Variants in CDK5RAP2 observed in about 807,000 individuals in gnomAD.
The protein encoded by CDK5RAP2 is CDK5 regulatory subunit-associated protein 2.
Under a neutral mutation model 232.9 loss-of-function variants are expected in CDK5RAP2, and 147 were observed. The observed-to-expected ratio is 0.63, with a 90% confidence interval of 0.55 to 0.72. The LOEUF is 0.72. Ranked by LOEUF, CDK5RAP2 falls within the 30% of genes least tolerant of loss-of-function variation. CDK5RAP2 has a pLI of 0.00. For synonymous variants in CDK5RAP2, 833 were observed against 833.7 expected (o/e 1.00, Z 0.01); for missense variants, 2,195 against 2,231.5 (o/e 0.98, Z 0.33).
At chr9:120,398,758 C>T (rs146213682) in intron 35 of CDK5RAP2, among the ~76,000 whole-genome samples, 7 of 152,270 alleles carry the variant, frequency 4.6e-5, no homozygotes, top group East Asian at 3.9e-4. Flanking sequence ...TATGTGTGTA[C>T]ATTTGTACCC....
At chr9:120,570,287 C>T (rs191543166) in intron 2 of CDK5RAP2, among the ~76,000 whole-genome samples, 79 of 152,246 alleles carry the variant, frequency 5.2e-4, no homozygotes, top group Non-Finnish European at 7.6e-4. Context: ...TTTTCCTTAC[C>T]TACATCTGAC....
Position 120,527,979 on chromosome 9 carries a change from AC to A in CDK5RAP2, c.880-55del, listed in dbSNP as rs548264371. 2.2e-4 allele frequency: 350 copies of A among 1,605,804 alleles called. 2 individuals carry two copies. The African/African-American group carries it at 4.2e-3, about 19-fold the overall frequency. ...AGTTGATGCGTTCCAACCAAAATGC[AC>A]CATAAATATATCTTTAAGAGCACAC... On this transcript the variant is annotated intron_variant, in intron 9 of 37. Transcript: ENST00000349780.
chr9:120,428,066 A>C (rs2035034041), intron 25 of CDK5RAP2, among the ~76,000 whole-genome samples: 1 of 152,240 alleles, frequency 6.6e-6, no homozygotes, highest in Non-Finnish European at 1.5e-5. Flanking sequence ...AACGAGAACA[A>C]AGACACAACA....
intron 34 of CDK5RAP2, among the ~76,000 whole-genome samples, chr9:120,402,375 T>G (rs1012734468): frequency 2.6e-5 from 4 of 152,034 alleles, no homozygotes; most frequent in Non-Finnish European, 4.4e-5. Flanking sequence ...TGAACAGAGA[T>G]AGAATTGTTT....
intron 1 of CDK5RAP2, among the ~76,000 whole-genome samples, chr9:120,574,219 C>A (rs2042951822): frequency 1.3e-5 from 2 of 152,322 alleles, no homozygotes; most frequent in Middle Eastern, 3.4e-3. Context: ...CAAATTTCCA[C>A]TCGGGCTTTA....
chr9:120,478,504 G>A (rs961409394), intron 14 of CDK5RAP2, among the ~76,000 whole-genome samples: 4 of 152,174 alleles, frequency 2.6e-5, no homozygotes, highest in African/African-American at 9.7e-5. Flanking sequence ...AGGCACAGCG[G>A]CTCACACCTA....
At chr9:120,446,606 T>TA (rs906723364) in intron 22 of CDK5RAP2, among the ~76,000 whole-genome samples, 3 of 152,140 alleles carry the variant, frequency 2.0e-5, no homozygotes, top group Non-Finnish European at 2.9e-5. Flanking sequence ...TCTTACCAAG[T>TA]AAAAGAGTCC....
At chr9:120,542,998 C>A (rs1272666773) in intron 5 of CDK5RAP2, among the ~76,000 whole-genome samples, 1 of 152,082 alleles carries the variant, frequency 6.6e-6, no homozygotes, top group Non-Finnish European at 1.5e-5. Flanking sequence ...GTTAGAGCAG[C>A]AAAAGCAAGA....
At position 120,470,239 on chromosome 9, in the gene CDK5RAP2, A is replaced by G; in HGVS notation, c.1859-19T>C. 7.9e-7 allele frequency: 1 copy of G among 1,270,276 alleles called. No individual in the cohort carries two copies. Among genetic ancestry groups the G allele is most frequent in the Non-Finnish European group, 1.1e-6 (1 of 895,420 alleles). 78.7% of individuals were successfully genotyped at this position (1,270,276 alleles called of 1,614,324 possible). A position where few individuals can be genotyped will look rare whatever the true frequency, so the allele number is the denominator to read the frequency against. ...GATTCTTCTGCCCAAAAAAGAAAAA[A>G]AAAAGGTGGGGAGGGGGAGGAGAAA... On this transcript the variant is annotated intron_variant, in intron 16 of 37. Coordinates refer to ENST00000349780, the MANE Select transcript of CDK5RAP2 (RefSeq NM_018249.6).
chr9:120,536,538 T>G lies in CDK5RAP2; in HGVS notation c.508-12A>C, dbSNP rs1425862324. ...GCGGCTGTCACATCCTAGAGTCAAA[T>G]TAAATGCATTTGATGCAATTTTTCA... On this transcript the variant is annotated splice_polypyrimidine_tract_variant and intron_variant, in intron 6 of 37. Coordinates refer to ENST00000349780, the MANE Select transcript of CDK5RAP2 (RefSeq NM_018249.6). 1 of 1,613,252 alleles carries G rather than the reference T, an allele frequency of 6.2e-7. No homozygotes were observed. The highest frequency in any genetic ancestry group is 8.5e-7 in the Non-Finnish European group (1 of 1,179,598).
chr9:120,578,757 G>C (rs564362192), intron 1 of CDK5RAP2, among the ~76,000 whole-genome samples: 1 of 152,044 alleles, frequency 6.6e-6, no homozygotes, highest in East Asian at 1.9e-4. Flanking sequence ...TGTAGAGATA[G>C]GATTTCACCA....
chr9:120,529,262 C>CAGCT (rs2041040760), intron 8 of CDK5RAP2, among the ~76,000 whole-genome samples: 1 of 152,244 alleles, frequency 6.6e-6, no homozygotes, highest in Non-Finnish European at 1.5e-5. Context: ...CGACATGCAG[C>CAGCT]AGCTACTCCA....
intron 1 of CDK5RAP2, among the ~76,000 whole-genome samples, chr9:120,575,612 T>C (rs751131402): frequency 1.3e-5 from 2 of 152,184 alleles, no homozygotes; most frequent in Non-Finnish European, 2.9e-5. Context: ...CTCACTTTTG[T>C]CTTTTAACAA....
intron 16 of CDK5RAP2, among the ~76,000 whole-genome samples, chr9:120,471,437 GGC>G (rs1480448683): frequency 6.6e-6 from 1 of 152,132 alleles, no homozygotes; most frequent in Non-Finnish European, 1.5e-5. Context: ...GGGCAGTGAG[GGC>G]TGCAATTCCC....
intron 35 of CDK5RAP2, among the ~76,000 whole-genome samples, chr9:120,399,619 G>A (rs1371415562): frequency 1.3e-5 from 2 of 152,180 alleles, no homozygotes; most frequent in African/African-American, 4.8e-5. Context: ...AGGCAGTCAG[G>A]CCATCTGTGT....
chr9:120,527,210 C>G (rs2040942678), intron 10 of CDK5RAP2, among the ~76,000 whole-genome samples: 1 of 152,182 alleles, frequency 6.6e-6, no homozygotes, highest in African/African-American at 2.4e-5. Flanking sequence ...CAAAGGCAAC[C>G]ATCAGCTACC....
At chr9:120,505,074 A>G (rs1268614861) in intron 12 of CDK5RAP2, among the ~76,000 whole-genome samples, 1 of 152,166 alleles carries the variant, frequency 6.6e-6, no homozygotes, top group African/African-American at 2.4e-5. Context: ...AGCTCATTTC[A>G]TTGTGCTCTG....
intron 12 of CDK5RAP2, among the ~76,000 whole-genome samples, chr9:120,512,345 T>A (rs1245115492): frequency 6.6e-6 from 1 of 152,194 alleles, no homozygotes; most frequent in Non-Finnish European, 1.5e-5. Context: ...TGAGACCCTG[T>A]CTCAAATGAA....
At chr9:120,415,271 G>A in intron 27 of CDK5RAP2, 112 bp from the exon 28 acceptor site, 3 of 1,260,816 alleles carry the variant, frequency 2.4e-6, no homozygotes, top group Admixed American at 1.9e-5. Flanking sequence ...GTGTTAAGAT[G>A]GTTAGCAACT....
Sources: allele counts gnomAD v4.1 joint callset (sites outside exome capture counted in the v4.1 genomes callset), GRCh38; gene constraint gnomAD v4.1.1; transcripts MANE v1.5; gene names NCBI Gene and HGNC (gene_info 2026-07-23, HGNC 2026-07-21).